Variants in SLC25A32 observed in about 807,000 individuals in gnomAD.
SLC25A32 encodes solute carrier family 25 member 32.
In SLC25A32, 32 loss-of-function variants were observed where a neutral mutation model predicts 39.0. That is an observed-to-expected ratio of 0.82 (90% CI 0.62 to 1.10). SLC25A32 has a LOEUF of 1.10. Ranked by LOEUF, SLC25A32 falls within the 50% of genes least tolerant of loss-of-function variation. SLC25A32 has a pLI of 0.00. For synonymous variants in SLC25A32, 166 were observed against 152.4 expected (o/e 1.09, Z -0.66); for missense variants, 367 against 395.3 (o/e 0.93, Z 0.61).
rs527521983 is a variant in SLC25A32 at position 103,406,493 on chromosome 8, T to C, written c.305+1141A>G. The stretch of plus-strand genomic sequence containing the variant: ...ACAGTGCGATGATGGTTTGTGTCCA[T>C]GTTCTTGTTCACTAAATAAGCTGAA... On this transcript the variant is annotated intron_variant, in intron 2 of 6. Coordinates refer to ENST00000297578, the MANE Select transcript of SLC25A32 (RefSeq NM_030780.5). Among the ~76,000 whole-genome samples the C allele has an allele frequency of 5.3e-5, 8 of 152,358 alleles. No homozygotes were observed. The East Asian group carries it at 9.6e-4, about 18-fold the overall frequency.
intron 6 of SLC25A32, among the ~76,000 whole-genome samples, chr8:103,401,302 A>G (rs899905456): frequency 2.8e-5 from 4 of 143,096 alleles, no homozygotes; most frequent in African/African-American, 1.0e-4. Context: ...ATAACAACCT[A>G]TTAGTTAGAA....
intron 2 of SLC25A32, among the ~76,000 whole-genome samples, chr8:103,406,335 G>A (rs1816333028): frequency 2.6e-5 from 4 of 152,106 alleles, no homozygotes; most frequent in Admixed American, 6.5e-5. Context: ...ACACAAAGAA[G>A]ACAAAGGCAA....
In SLC25A32 at chr8:103,407,667, C is replaced by T. The variant is rs1249586962; in HGVS notation, c.272G>A (p.Gly91Asp). The change falls in exon 2 of 7, where the codon GGT becomes GAT. Residue 91 changes from glycine (G) to aspartate (D), a missense_variant. Physicochemically the swap from Gly to Asp is moderately conservative, Grantham distance 94. Transcript: ENST00000297578. ...LYQGVTPNIWGAGLSWGLYFF... is the reference protein window; with the variant it reads ...LYQGVTPNIWDAGLSWGLYFF... ...GTAGAGTCCCCAGGATAAACCTGCA[C>T]CCCATATATTTGGGGTTACTCCTTG... 2 of 1,604,196 alleles carry T rather than the reference C, an allele frequency of 1.2e-6. No individual in the cohort carries two copies. Among genetic ancestry groups the T allele is most frequent in the Non-Finnish European group, 1.7e-6 (2 of 1,174,152 alleles).
chr8:103,406,097 A>G (rs1187000836), intron 2 of SLC25A32, among the ~76,000 whole-genome samples: 1 of 151,638 alleles, frequency 6.6e-6, no homozygotes, highest in Non-Finnish European at 1.5e-5. Context: ...ACACATATAC[A>G]TAAACATATC....
At chr8:103,400,741 G>C (rs1342377283) in intron 6 of SLC25A32, among the ~76,000 whole-genome samples, 195 bp from the exon 7 acceptor site, 2 of 152,200 alleles carry the variant, frequency 1.3e-5, no homozygotes, top group Non-Finnish European at 2.9e-5. Flanking sequence ...TGGATGGACT[G>C]AGTAAGAGAG....
In SLC25A32 at chr8:103,399,037, T is replaced by C. The variant is rs1816162665; in HGVS notation, c.*1374A>G. 6.6e-6 allele frequency: 1 copy of C among 152,208 alleles called. No homozygotes were observed. 9.4% of individuals were successfully genotyped at this position (152,208 alleles called of 1,614,324 possible). A position where few individuals can be genotyped will look rare whatever the true frequency, so the allele number is the denominator to read the frequency against. On this transcript the variant is annotated 3_prime_UTR_variant, in exon 7 of 7. Coordinates refer to ENST00000297578, the MANE Select transcript of SLC25A32 (RefSeq NM_030780.5). ...AGCACTCGTGGATGTTTACGATAAA[T>C]AAAAATACTAGTATTCTGGCATCCT...
At chr8:103,403,755 T>C (rs1311956483) in intron 3 of SLC25A32, among the ~76,000 whole-genome samples, 3 of 152,202 alleles carry the variant, frequency 2.0e-5, no homozygotes, top group Non-Finnish European at 4.4e-5. Context: ...CAATAATCTG[T>C]GCATGTGACA....
At chr8:103,411,421 G>C (rs963826355) in intron 1 of SLC25A32, among the ~76,000 whole-genome samples, 1 of 151,596 alleles carries the variant, frequency 6.6e-6, no homozygotes, top group Non-Finnish European at 1.5e-5. Context: ...CCTGGCCCCC[G>C]AGACAATCTC....
chr8:103,413,930 T>C (rs1310217224), intron 1 of SLC25A32, among the ~76,000 whole-genome samples: 1 of 152,262 alleles, frequency 6.6e-6, no homozygotes, highest in Non-Finnish European at 1.5e-5. Flanking sequence ...ACCTTTTATA[T>C]GACTAAGTCT....
rs1160325754 is a variant in SLC25A32 at position 103,400,509 on chromosome 8, G to A, written c.850C>T (p.Pro284Ser). 6.2e-7 allele frequency: 1 copy of A among 1,614,110 alleles called. No individual in the cohort carries two copies. The highest frequency in any genetic ancestry group is 1.7e-5 in the Admixed American group (1 of 60,014). Residue 284 changes from proline (P) to serine (S), a missense_variant, in exon 7 of 7, where the codon CCT becomes TCT. Transcript: ENST00000297578. Reference sequence around the variant, plus strand: ...GCTGGAGTCACTCTAATCAAATTAGGAGCAATTCCCTTGTAAAATCCACCG... The same window carrying A: ...GCTGGAGTCACTCTAATCAAATTAGAAGCAATTCCCTTGTAAAATCCACCG... ...GVGGFYKGIA[P>S]NLIRVTPACC... is the part of the protein sequence containing the mutation.
intron 6 of SLC25A32, 140 bp downstream of exon 6, chr8:103,401,376 A>G (rs1277004808): frequency 3.0e-6 from 2 of 664,950 alleles, no homozygotes; most frequent in Non-Finnish European, 4.9e-6. Flanking sequence ...CACATACGTA[A>G]TAACTGGGAA....
Position 103,401,605 on chromosome 8 carries a change from T to G in SLC25A32, c.723A>C (p.Ala241=). 1 of 1,613,760 alleles carries G rather than the reference T, an allele frequency of 6.2e-7. No homozygotes were observed. The highest frequency in any genetic ancestry group is 8.5e-7 in the Non-Finnish European group (1 of 1,179,788). The change falls in exon 6 of 7, where the codon GCA becomes GCC. Residue 241 remains alanine, a synonymous_variant. Transcript: ENST00000297578. ...AALSKIFAVA[A]TYPYQVVRAR... is the part of the protein sequence containing the mutation. ...CTCTTACGACTTGATATGGGTATGT[T>G]GCTGCGACAGCAAATATTTTGGATA...
At chr8:103,410,358 T>A (rs1269184316) in intron 1 of SLC25A32, among the ~76,000 whole-genome samples, 3 of 152,200 alleles carry the variant, frequency 2.0e-5, no homozygotes, top group Admixed American at 6.5e-5. Flanking sequence ...CGAAGCTTCA[T>A]CTGTACTTAC....
rs142561194 is a variant in SLC25A32 at position 103,398,857 on chromosome 8, T to C, written c.*1554A>G. 4 of 151,388 alleles carry C rather than the reference T, an allele frequency of 2.6e-5. No homozygotes were observed. Among genetic ancestry groups the C allele is most frequent in the Admixed American group, 6.6e-5 (1 of 15,220 alleles). The allele number at this position is 151,388 out of a possible 1,614,324, so 9.4% of individuals were successfully genotyped here. On this transcript the variant is annotated 3_prime_UTR_variant, in exon 7 of 7. Coordinates refer to ENST00000297578, the MANE Select transcript of SLC25A32 (RefSeq NM_030780.5). The stretch of plus-strand genomic sequence containing the variant: ...GCATTCATCTGCATGTTATAAGATA[T>C]TACAGTAAATACAATTAGGTACTTA...
intron 3 of SLC25A32, among the ~76,000 whole-genome samples, chr8:103,403,996 AT>A (rs1293064966): frequency 6.6e-6 from 1 of 152,184 alleles, no homozygotes; most frequent in Non-Finnish European, 1.5e-5. Context: ...GCTAGTGGCT[AT>A]GTGTTCAAAA....
In SLC25A32 at chr8:103,415,051, C is replaced by A; in HGVS notation, c.-114G>T. 1 of 1,597,832 alleles carries A rather than the reference C, an allele frequency of 6.3e-7. No homozygotes were observed. The highest frequency in any genetic ancestry group is 8.5e-7 in the Non-Finnish European group (1 of 1,172,570). ...TGTGAGCGCAACCCCACCTCCGGGACCAACGAGAGGACTCTTATGCCCAAG... is the reference window on the plus strand; with the variant it reads ...TGTGAGCGCAACCCCACCTCCGGGAACAACGAGAGGACTCTTATGCCCAAG... On this transcript the variant is annotated 5_prime_UTR_variant, in exon 1 of 7. Coordinates refer to ENST00000297578, the MANE Select transcript of SLC25A32 (RefSeq NM_030780.5).
intron 1 of SLC25A32, among the ~76,000 whole-genome samples, chr8:103,412,596 C>T (rs1009815230): frequency 7.2e-5 from 11 of 152,230 alleles, no homozygotes; most frequent in African/African-American, 2.7e-4. Context: ...GTAATTTCCA[C>T]TCAACCTGTG....
At chr8:103,403,409 TAAAAAAAAAA>T (rs11447002) in intron 3 of SLC25A32, 85 bp from the exon 4 acceptor site, 6 of 249,174 alleles carry the variant, frequency 2.4e-5, no homozygotes, top group Non-Finnish European at 4.1e-5. Flanking sequence ...TACATTTATG[TAAAAAAAAAA>T]AAAAAAAAAA....
chr8:103,409,212 CA>C (rs1434474526), intron 1 of SLC25A32, among the ~76,000 whole-genome samples: 1 of 146,956 alleles, frequency 6.8e-6, no homozygotes, highest in Non-Finnish European at 1.5e-5. Context: ...CGGCATTCTA[CA>C]TTATGCATAC....
Sources: gnomAD v4.1 joint callset for allele counts (sites outside exome capture counted in the v4.1 genomes callset) on GRCh38, gnomAD v4.1.1 for gene constraint, MANE v1.5 for transcripts, NCBI Gene and HGNC (gene_info 2026-07-23, HGNC 2026-07-21) for gene names.